Variants in ZSCAN32 observed in about 807,000 individuals in gnomAD.
The protein encoded by ZSCAN32 is zinc finger and SCAN domain-containing protein 32.
In ZSCAN32, 52 loss-of-function variants were observed where a neutral mutation model predicts 47.4. That is an observed-to-expected ratio of 1.10 (90% confidence interval 0.88 to 1.38). ZSCAN32 has a LOEUF of 1.38. ZSCAN32 is among the 40% of genes most tolerant of loss of function. The pLI is 0.00. For synonymous variants in ZSCAN32, 346 were observed against 305.7 expected, an observed-to-expected ratio of 1.13 and a Z score of -1.38; for missense variants, 959 against 846.0, an observed-to-expected ratio of 1.13 and a Z score of -1.66.
In ZSCAN32 at chr16:3,384,539, T is replaced by A; in HGVS notation, c.1154A>T (p.Asp385Val). 6.2e-7 allele frequency: 1 copy of A among 1,614,176 alleles called. No individual in the cohort carries two copies. Among genetic ancestry groups the A allele is most frequent in the Non-Finnish European group, 8.5e-7 (1 of 1,180,036 alleles). Residue 385 changes from aspartate to valine, a missense_variant, in exon 6 of 7, where the codon GAC (aspartate) becomes GTC (valine). Physicochemically the swap from Asp to Val is radical, Grantham distance 152. Coordinates refer to ENST00000396852, the MANE Select transcript of ZSCAN32 (RefSeq NM_001284527.2). The part of the protein sequence containing the change: ...EVEDGTVDGA[D>V]RDEKDFRNPG... ...ATTCCTGAAGTCCTTTTCATCCCTGTCTGCACCATCCACAGTGCCATCTTC... is the reference window on the plus strand; with the variant it reads ...ATTCCTGAAGTCCTTTTCATCCCTGACTGCACCATCCACAGTGCCATCTTC...
chr16:3,385,088 G>C (rs927132914), intron 5 of ZSCAN32, 147 bp from the exon 6 acceptor site: 3 of 873,860 alleles, frequency 3.4e-6, no homozygotes, highest in Middle Eastern at 3.5e-4. Flanking sequence ...ACTTTGGGAG[G>C]CCAAGGCGGG....
intron 3 of ZSCAN32, among the ~76,000 whole-genome samples, chr16:3,393,180 ATTTCTATATT>A (rs2032929549): frequency 1.6e-5 from 1 of 61,624 alleles, no homozygotes; most frequent in African/African-American, 7.9e-5. Context: ...CTATATATAT[ATTTCTATATT>A]TATATATATA....
At chr16:3,385,963 G>A (rs2031927246) in intron 5 of ZSCAN32, among the ~76,000 whole-genome samples, 1 of 152,180 alleles carries the variant, frequency 6.6e-6, no homozygotes. Context: ...TTAAACCAAA[G>A]AGCTTCTGCA....
chr16:3,394,028 C>T (rs2033128909), intron 2 of ZSCAN32, among the ~76,000 whole-genome samples: 1 of 151,936 alleles, frequency 6.6e-6, no homozygotes, highest in Non-Finnish European at 1.5e-5. Flanking sequence ...TTTGGGAGGC[C>T]GAGGCAGGTG....
At chr16:3,399,537 AT>A (rs1231445065) in intron 1 of ZSCAN32, among the ~76,000 whole-genome samples, 8 of 152,272 alleles carry the variant, frequency 5.3e-5, no homozygotes, top group South Asian at 4.1e-4. Context: ...GTAAGGCAAT[AT>A]TTTTTTAAGA....
intron 1 of ZSCAN32, among the ~76,000 whole-genome samples, chr16:3,400,697 G>C (rs945065796): frequency 1.3e-5 from 2 of 152,240 alleles, no homozygotes; most frequent in Non-Finnish European, 2.9e-5. Flanking sequence ...GAGATGAGCA[G>C]GGTCAAGGCC....
chr16:3,389,998 A>C lies in ZSCAN32; in HGVS notation c.751+12T>G, dbSNP rs764956681. 1 of 1,603,564 alleles carries C rather than the reference A, an allele frequency of 6.2e-7. No individual in the cohort carries two copies. Among genetic ancestry groups the C allele is most frequent in the East Asian group, 2.2e-5 (1 of 44,674 alleles). On this transcript the variant is annotated intron_variant, in intron 5 of 6. Transcript: ENST00000396852. Reference sequence around the variant, plus strand: ...ACATCCACCTTGACCTGGAGGGAAGATGGATCCTTACCCAGCGAGACGTGA... The same window carrying C: ...ACATCCACCTTGACCTGGAGGGAAGCTGGATCCTTACCCAGCGAGACGTGA...
intron 2 of ZSCAN32, among the ~76,000 whole-genome samples, chr16:3,396,491 A>C (rs756583878): frequency 7.9e-5 from 12 of 152,002 alleles, no homozygotes; most frequent in Non-Finnish European, 1.6e-4. Context: ...CTGATCACAG[A>C]CCCACTCAGG....
intron 1 of ZSCAN32, 45 bp from the exon 2 acceptor site, chr16:3,397,789 T>C: frequency 2.2e-6 from 1 of 448,002 alleles, no homozygotes; most frequent in Non-Finnish European, 3.9e-6. Context: ...CAAACATTCC[T>C]TCACTCTGGT....
rs1270973047 is a variant in ZSCAN32 at position 3,384,480 on chromosome 16, C to G, written c.1213G>C (p.Val405Leu). Residue 405 changes from valine (V) to leucine (L), a missense_variant, in exon 6 of 7, where the codon GTG becomes CTG. Coordinates refer to ENST00000396852, the MANE Select transcript of ZSCAN32 (RefSeq NM_001284527.2). ...GQEVRKLDLP[V>L]LFPNRLGFEF... Reference sequence around the variant, plus strand: ...TTACCAAGTCTGTTTGGGAACAGCACTGGCAGGTCTAGTTTCCTGACTTCC... The same window carrying G: ...TTACCAAGTCTGTTTGGGAACAGCAGTGGCAGGTCTAGTTTCCTGACTTCC... 3 of 1,614,214 alleles carry G rather than the reference C, an allele frequency of 1.9e-6. No homozygotes were observed. The highest frequency in any genetic ancestry group is 2.2e-5 in the South Asian group (2 of 91,084).
At chr16:3,391,522 AC>A (rs2032696648) in intron 3 of ZSCAN32, among the ~76,000 whole-genome samples, 1 of 151,972 alleles carries the variant, frequency 6.6e-6, no homozygotes, top group Admixed American at 6.5e-5. Context: ...TACTAAAAAT[AC>A]AAAAAATTAG....
chr16:3,399,025 A>G (rs1389778423), intron 1 of ZSCAN32, among the ~76,000 whole-genome samples: 1 of 152,142 alleles, frequency 6.6e-6, no homozygotes, highest in African/African-American at 2.4e-5. Context: ...GATCTAGACC[A>G]TCCTGGCTAA....
In ZSCAN32 at chr16:3,389,886, T is replaced by A. The variant is rs1179971429; in HGVS notation, c.751+124A>T. The A allele has an allele frequency of 3.0e-6, 3 of 1,008,940 alleles. No individual in the cohort carries two copies. In the African/African-American group the frequency reaches 4.9e-5, roughly 16 times the overall value. The allele number at this position is 1,008,940 out of a possible 1,614,324, so 62.5% of individuals were successfully genotyped here. A position where few individuals can be genotyped will look rare whatever the true frequency, so the allele number is the denominator to read the frequency against. On this transcript the variant is annotated intron_variant, in intron 5 of 6. Coordinates refer to ENST00000396852, the MANE Select transcript of ZSCAN32 (RefSeq NM_001284527.2). ...TGGCCTGCTCTGGTTCCCCATTTAC[T>A]TCCTCCTTTCCCTCCACCCAACAGT...
At chr16:3,398,568 C>T (rs1362065419) in intron 1 of ZSCAN32, among the ~76,000 whole-genome samples, 2 of 152,176 alleles carry the variant, frequency 1.3e-5, no homozygotes, top group Non-Finnish European at 2.9e-5. Context: ...GCAAGATGAA[C>T]CCACTGGGCA....
intron 3 of ZSCAN32, among the ~76,000 whole-genome samples, chr16:3,392,517 T>A (rs971133000): frequency 3.0e-4 from 45 of 152,064 alleles, no homozygotes; most frequent in African/African-American, 8.9e-4. Flanking sequence ...CCAGCCAAGA[T>A]AATTTTTTTA....
intron 1 of ZSCAN32, among the ~76,000 whole-genome samples, chr16:3,398,727 C>T (rs1451167681): frequency 6.6e-6 from 1 of 152,210 alleles, no homozygotes; most frequent in African/African-American, 2.4e-5. Flanking sequence ...TCCCTATCCT[C>T]AAGAAGCCTG....
In ZSCAN32 at chr16:3,384,790, C is replaced by A; in HGVS notation, c.903G>T (p.Arg301=). The A allele has an allele frequency of 6.2e-7, 1 of 1,614,188 alleles. No homozygotes were observed. The highest frequency in any genetic ancestry group is 8.5e-7 in the Non-Finnish European group (1 of 1,180,036). Residue 301 remains arginine (R), a synonymous_variant, in exon 6 of 7, where the codon CGG becomes CGT. Transcript: ENST00000396852. ...AEGLWEQGFL[R]TPEQCRTKFK... ...ACTTGGTGCGACACTGTTCTGGGGTCCGCAGAAAACCCTGCTCCCAGAGTC... is the reference window on the plus strand; with the variant it reads ...ACTTGGTGCGACACTGTTCTGGGGTACGCAGAAAACCCTGCTCCCAGAGTC...
At chr16:3,399,118 G>A (rs532414256) in intron 1 of ZSCAN32, among the ~76,000 whole-genome samples, 1 of 152,302 alleles carries the variant, frequency 6.6e-6, no homozygotes, top group Admixed American at 6.5e-5. Flanking sequence ...AGCTACTCGG[G>A]AGGCTGAGGC....
intron 3 of ZSCAN32, among the ~76,000 whole-genome samples, 195 bp downstream of exon 3, chr16:3,393,454 G>A (rs1206516884): frequency 6.7e-6 from 1 of 149,836 alleles, no homozygotes; most frequent in Non-Finnish European, 1.5e-5. Context: ...TCGAACTCCT[G>A]ACCTCAGGTG....
Sources: allele counts gnomAD v4.1 joint callset (sites outside exome capture counted in the v4.1 genomes callset), GRCh38; gene constraint gnomAD v4.1.1; transcripts MANE v1.5; gene names NCBI Gene and HGNC (gene_info 2026-07-23, HGNC 2026-07-21).